PLD5: variants seen among roughly 807,000 people sequenced by gnomAD.
The protein encoded by PLD5 is phospholipase D family member 5.
Under a neutral mutation model 61.1 loss-of-function variants are expected in PLD5, and 36 were observed. The observed-to-expected ratio is 0.59, with a 90% CI of 0.45 to 0.78. The LOEUF (loss-of-function observed/expected upper bound fraction) is 0.78. Ranked by LOEUF, PLD5 falls within the 30% of genes least tolerant of loss-of-function variation. PLD5 has a pLI of 0.00. For missense variants in PLD5, 515 were observed against 644.4 expected (o/e 0.80, Z 2.17); for synonymous variants, 243 against 242.8 (o/e 1.00, Z -0.01).
At chr1:242,376,805 T>C in intron 1 of PLD5, 1 of 1,043,838 alleles carries the variant, frequency 9.6e-7, no homozygotes, top group South Asian at 1.7e-5. Context: ...AAAGAGAATA[T>C]ATTGCAACAG....
intron 1 of PLD5, among the ~76,000 whole-genome samples, chr1:242,521,889 T>C (rs1306520490): frequency 2.0e-5 from 3 of 152,194 alleles, no homozygotes; most frequent in Non-Finnish European, 4.4e-5. Flanking sequence ...TAATTTCTAT[T>C]AGAAATTACC....
At chr1:242,330,565 C>T (rs886852846) in intron 2 of PLD5, among the ~76,000 whole-genome samples, 3 of 152,186 alleles carry the variant, frequency 2.0e-5, no homozygotes, top group African/African-American at 7.2e-5. Context: ...TGATCTCTCA[C>T]ACATTCTTGA....
At chr1:242,416,709 CA>C (rs911660955) in intron 1 of PLD5, among the ~76,000 whole-genome samples, 5 of 152,240 alleles carry the variant, frequency 3.3e-5, no homozygotes, top group African/African-American at 1.2e-4. Context: ...CATTAAAAAC[CA>C]AAACAAATAA....
intron 3 of PLD5, among the ~76,000 whole-genome samples, chr1:242,281,344 C>T (rs986829680): frequency 2.0e-5 from 3 of 152,096 alleles, no homozygotes; most frequent in Non-Finnish European, 4.4e-5. Context: ...AGACCTGAGT[C>T]ACACATGGAT....
intron 5 of PLD5, chr1:242,188,933 G>A (rs1409707922): frequency 1.3e-5 from 2 of 152,204 alleles, no homozygotes; most frequent in Non-Finnish European, 2.9e-5. Flanking sequence ...TGGTTGTAGA[G>A]TATTTCCAAA....
intron 2 of PLD5, among the ~76,000 whole-genome samples, chr1:242,336,530 G>T (rs183846987): frequency 3.2e-4 from 49 of 152,212 alleles, no homozygotes; most frequent in African/African-American, 1.1e-3. Flanking sequence ...ATCGTTCATG[G>T]TACATCATGT....
intron 5 of PLD5, among the ~76,000 whole-genome samples, chr1:242,199,484 G>A (rs1457406465): frequency 4.6e-5 from 7 of 152,070 alleles, no homozygotes; most frequent in African/African-American, 1.7e-4. Flanking sequence ...TGAACTCCTG[G>A]CCTCAAGTGA....
intron 4 of PLD5, among the ~76,000 whole-genome samples, chr1:242,258,063 C>T (rs1673181206): frequency 6.6e-6 from 1 of 152,240 alleles, no homozygotes. Flanking sequence ...AGGAGACTGT[C>T]TCTTCTCCAG....
At chr1:242,195,853 G>A (rs1008870968) in intron 5 of PLD5, among the ~76,000 whole-genome samples, 9 of 152,202 alleles carry the variant, frequency 5.9e-5, no homozygotes, top group African/African-American at 2.2e-4. Flanking sequence ...AAGGATTTAA[G>A]TTTAGAAATG....
rs145953975 is a variant in PLD5, at chr1:242,172,132, G to T, written c.736-47467C>A. Among the ~76,000 whole-genome samples, 1,216 of 152,226 alleles carry T rather than the reference G, an allele frequency of 8.0e-3. 20 individuals carry two copies. The highest frequency in any genetic ancestry group is 0.028 in the African/African-American group (1,165 of 41,530). ...TCTAAAATTGACCACGTAATTGAAGGAAAACACTCCTCAGCAAATGCAAAA... is the reference window on the plus strand; with the variant it reads ...TCTAAAATTGACCACGTAATTGAAGTAAAACACTCCTCAGCAAATGCAAAA... On this transcript the variant is annotated intron_variant, in intron 5 of 9. Coordinates refer to ENST00000536534, the MANE Select transcript of PLD5 (RefSeq NM_001372062.1).
intron 4 of PLD5, among the ~76,000 whole-genome samples, chr1:242,243,804 A>C (rs1672202460): frequency 6.6e-6 from 1 of 152,210 alleles, no homozygotes; most frequent in Non-Finnish European, 1.5e-5. Flanking sequence ...AGAGTGATTT[A>C]ACACTATTCT....
intron 1 of PLD5, among the ~76,000 whole-genome samples, chr1:242,355,219 G>C (rs1244619653): frequency 1.3e-5 from 2 of 152,118 alleles, no homozygotes; most frequent in Non-Finnish European, 2.9e-5. Context: ...TTAAATGTTT[G>C]GCAGCATTCA....
intron 3 of PLD5, among the ~76,000 whole-genome samples, chr1:242,270,870 T>G (rs1574645006): frequency 6.6e-6 from 1 of 152,104 alleles, no homozygotes; most frequent in African/African-American, 2.4e-5. Context: ...ACCTGAAGGA[T>G]GGAAGCCACT....
At chr1:242,300,395 G>C (rs998253704) in intron 2 of PLD5, among the ~76,000 whole-genome samples, 6 of 152,118 alleles carry the variant, frequency 3.9e-5, no homozygotes, top group African/African-American at 1.4e-4. Flanking sequence ...AGTGAGCCGA[G>C]ATCATACCAT....
At chr1:242,206,235 C>G (rs764199888) in intron 5 of PLD5, among the ~76,000 whole-genome samples, 1 of 152,202 alleles carries the variant, frequency 6.6e-6, no homozygotes, top group African/African-American at 2.4e-5. Context: ...GACAATATGG[C>G]TCTTCTCTCA....
At chr1:242,154,775 T>C (rs772764836) in intron 5 of PLD5, among the ~76,000 whole-genome samples, 4 of 152,310 alleles carry the variant, frequency 2.6e-5, no homozygotes, top group Admixed American at 1.3e-4. Context: ...TTCACCTCGA[T>C]GTTCATCAGT....
chr1:242,463,292 C>T (rs1667175878), intron 1 of PLD5, among the ~76,000 whole-genome samples: 1 of 152,106 alleles, frequency 6.6e-6, no homozygotes. Context: ...CTCTCTATGC[C>T]CATCCCCTTC....
At chr1:242,373,715 C>T (rs1661783080) in intron 1 of PLD5, among the ~76,000 whole-genome samples, 1 of 152,088 alleles carries the variant, frequency 6.6e-6, no homozygotes, top group African/African-American at 2.4e-5. Context: ...AAACCAAACA[C>T]CGCACGTTCT....
rs1057303337 is a variant in PLD5, at chr1:242,088,846, T to C, written c.*1008A>G. The stretch of plus-strand genomic sequence containing the variant: ...ATTTGGTATATTAAATAGCAGAAGG[T>C]ATATTAAATAGCTCTAGAAACGTTT... On this transcript the variant is annotated 3_prime_UTR_variant, in exon 10 of 10. Coordinates refer to ENST00000536534, the MANE Select transcript of PLD5 (RefSeq NM_001372062.1). The C allele has an allele frequency of 9.8e-5, 15 of 153,056 alleles. No homozygotes were observed. The highest frequency in any genetic ancestry group is 3.4e-4 in the African/African-American group (14 of 41,502). 9.5% of individuals were successfully genotyped at this position (153,056 alleles called of 1,614,324 possible). A position where few individuals can be genotyped will look rare whatever the true frequency, so the allele number is the denominator to read the frequency against.
Sources: gnomAD v4.1 joint callset for allele counts (sites outside exome capture counted in the v4.1 genomes callset) on GRCh38, gnomAD v4.1.1 for gene constraint, MANE v1.5 for transcripts, NCBI Gene and HGNC (gene_info 2026-07-23, HGNC 2026-07-21) for gene names.